The following MYOM2 variants were observed in gnomAD, a reference collection of about 807,000 sequenced individuals.
MYOM2 encodes myomesin 2, also known as myomesin-2.
In MYOM2, 254 loss-of-function variants were observed where a neutral mutation model predicts 187.6. That is an observed-to-expected ratio of 1.35 (90% CI 1.22 to 1.50). MYOM2 has a LOEUF of 1.50. Ranked by LOEUF, MYOM2 falls within the 40% of genes most tolerant of loss-of-function variation. The pLI is 0.00. For synonymous variants in MYOM2, 981 were observed against 753.8 expected (o/e 1.30, Z -4.94); for missense variants, 2,796 against 1,924.0 (o/e 1.45, Z -8.48).
At position 2,092,446 on chromosome 8, in the gene MYOM2, C is replaced by T. The variant is rs1796338712; in HGVS notation, c.1929C>T (p.Gly643=). 2 of 1,614,168 alleles carry T rather than the reference C, an allele frequency of 1.2e-6. No homozygotes were observed. The highest frequency in any genetic ancestry group is 1.7e-6 in the Non-Finnish European group (2 of 1,180,018). ...DRPKHEEDLL[G]YYVDCCVAGT... is the part of the protein sequence containing the mutation. The stretch of plus-strand genomic sequence containing the variant: ...CTAAGCATGAGGAGGACCTGCTGGG[C>T]TACTACGTGGACTGCTGTGTGGCCG... Residue 643 remains glycine (G), a synonymous_variant, in exon 16 of 37, where the codon GGC becomes GGT. Transcript: ENST00000262113.
intron 25 of MYOM2, 108 bp from the exon 26 acceptor site, chr8:2,115,852 A>G (rs1386140322): frequency 3.1e-6 from 4 of 1,283,980 alleles, no homozygotes; most frequent in African/African-American, 1.5e-5. Flanking sequence ...GTTTCTTCCT[A>G]TCATAATCCC....
chr8:2,144,677 C>T lies in MYOM2; in HGVS notation c.4094C>T (p.Thr1365Ile), dbSNP rs776526426. Residue 1365 changes from threonine to isoleucine, a missense_variant, in exon 37 of 37, where the codon ACC becomes ATC. Physicochemically the swap from Thr to Ile is moderately conservative, Grantham distance 89. Coordinates refer to ENST00000262113, the MANE Select transcript of MYOM2 (RefSeq NM_003970.4). Reference sequence around the variant, plus strand: ...TTCCGTCCAAAGACCTTGAATCTGACCTGCACGGTGTTTGGAAACCCTGAC... The same window carrying T: ...TTCCGTCCAAAGACCTTGAATCTGATCTGCACGGTGTTTGGAAACCCTGAC... ...TIMEGKTLNLTCTVFGNPDPE... is the reference protein window; with the variant it reads ...TIMEGKTLNLICTVFGNPDPE... 7.4e-6 allele frequency: 12 copies of T among 1,614,016 alleles called. No individual in the cohort carries two copies. Among genetic ancestry groups the T allele is most frequent in the East Asian group, 2.2e-5 (1 of 44,868 alleles).
intron 31 of MYOM2, chr8:2,127,664 C>T (rs1369813240): frequency 1.4e-5 from 2 of 146,504 alleles, no homozygotes; most frequent in Non-Finnish European, 3.0e-5. Context: ...AGTACCTCGG[C>T]GTGACGCGGT....
intron 11 of MYOM2, among the ~76,000 whole-genome samples, chr8:2,078,340 C>T (rs537102521): frequency 8.7e-4 from 133 of 152,286 alleles, no homozygotes; most frequent in African/African-American, 3.0e-3. Flanking sequence ...GCCTGGGCCT[C>T]AGACGGGCCA....
chr8:2,112,810 C>G (rs1797111010), intron 25 of MYOM2, among the ~76,000 whole-genome samples: 2 of 152,324 alleles, frequency 1.3e-5, no homozygotes, highest in African/African-American at 4.8e-5. Flanking sequence ...GATTTTCTGG[C>G]TAAACTTACA....
intron 19 of MYOM2, among the ~76,000 whole-genome samples, chr8:2,099,427 T>C (rs1194767483): frequency 2.0e-5 from 3 of 151,818 alleles, no homozygotes; most frequent in African/African-American, 7.3e-5. Context: ...GGTTAGCTCC[T>C]GCAGTCCTCT....
At chr8:2,094,860 C>T (rs1796425995) in intron 17 of MYOM2, among the ~76,000 whole-genome samples, 1 of 152,110 alleles carries the variant, frequency 6.6e-6, no homozygotes. Flanking sequence ...CAATTGGGAT[C>T]CTAAATCTCA....
At chr8:2,134,328 A>G (rs1366880480) in intron 32 of MYOM2, among the ~76,000 whole-genome samples, 1 of 151,980 alleles carries the variant, frequency 6.6e-6, no homozygotes, top group Non-Finnish European at 1.5e-5. Flanking sequence ...GTCTGGGTTT[A>G]TCTGGTGTTT....
At chr8:2,090,235 A>G in intron 15 of MYOM2, 44 bp downstream of exon 15, 1 of 1,569,582 alleles carries the variant, frequency 6.4e-7, no homozygotes. Context: ...ATGGACTAAG[A>G]GTGGGGTGAC....
chr8:2,059,064 G>C, intron 5 of MYOM2, 89 bp from the exon 6 acceptor site: 1 of 1,042,888 alleles, frequency 9.6e-7, no homozygotes, highest in Non-Finnish European at 1.5e-6. Flanking sequence ...TGCAGAAATG[G>C]GCAGCAGGCG....
chr8:2,111,325 C>G (rs1277371386), intron 25 of MYOM2, among the ~76,000 whole-genome samples: 1 of 152,216 alleles, frequency 6.6e-6, no homozygotes, highest in Non-Finnish European at 1.5e-5. Context: ...TCAACTTCAT[C>G]TTGCTGCATA....
chr8:2,127,741 CGGCGTGACGCGGTGGCGCAGCCGCAG>C, intron 31 of MYOM2: 1 of 142,300 alleles, frequency 7.0e-6, no homozygotes, highest in Non-Finnish European at 1.5e-5. Context: ...GGCAGTACCT[CGGCGTGACGCGGTGGCGCAGCCGCAG>C]GCAGGCAGTA....
chr8:2,128,534 C>T (rs917379671), intron 31 of MYOM2, among the ~76,000 whole-genome samples: 14 of 152,222 alleles, frequency 9.2e-5, no homozygotes, highest in African/African-American at 3.1e-4. Context: ...TCCTTTCTGA[C>T]CTCTGACCCA....
At chr8:2,101,340 G>A (rs1167803792) in intron 20 of MYOM2, among the ~76,000 whole-genome samples, 2 of 152,176 alleles carry the variant, frequency 1.3e-5, no homozygotes, top group Non-Finnish European at 2.9e-5. Context: ...TTGACAGAGC[G>A]AGACTCTGTC....
intron 28 of MYOM2, among the ~76,000 whole-genome samples, chr8:2,120,680 T>TATATAGATATATATATA: frequency 2.1e-5 from 1 of 48,300 alleles, no homozygotes; most frequent in Admixed American, 3.9e-4. Context: ...ATATATTATA[T>TATATAGATATATATATA]TATATATAAA....
chr8:2,063,301 T>C (rs112930195), intron 6 of MYOM2, among the ~76,000 whole-genome samples: 5,516 of 152,222 alleles, frequency 0.036, 163 homozygotes, highest in East Asian at 0.084. Flanking sequence ...GGCTCAGGAA[T>C]GAGCTTTTCC....
intron 15 of MYOM2, 146 bp from the exon 16 acceptor site, chr8:2,092,200 C>A: frequency 1.0e-6 from 1 of 959,216 alleles, no homozygotes; most frequent in Non-Finnish European, 1.6e-6. Context: ...CGGGGCTCCT[C>A]TCCTACTCCT....
Position 2,129,116 on chromosome 8 carries a change from A to AT in MYOM2, c.3695-7dup. ...CTTTTCCTAGATCTGAGGATGTTTT[A>AT]TTTTCTGCAGGGAAATCTGCTTCGC... On this transcript the variant is annotated splice_polypyrimidine_tract_variant and intron_variant, in intron 31 of 36. Transcript: ENST00000262113. 1 of 1,592,012 alleles carries AT rather than the reference A, an allele frequency of 6.3e-7. No homozygotes were observed. Among genetic ancestry groups the AT allele is most frequent in the Non-Finnish European group, 8.6e-7 (1 of 1,161,312 alleles).
chr8:2,131,604 CCAAA>C (rs1797870033), intron 32 of MYOM2, among the ~76,000 whole-genome samples: 1 of 151,618 alleles, frequency 6.6e-6, no homozygotes, highest in African/African-American at 2.4e-5. Flanking sequence ...TTTATCTTCC[CCAAA>C]CAAATTCATT....
Sources: gnomAD v4.1 joint callset for allele counts (sites outside exome capture counted in the v4.1 genomes callset) on GRCh38, gnomAD v4.1.1 for gene constraint, MANE v1.5 for transcripts, NCBI Gene and HGNC (gene_info 2026-07-23, HGNC 2026-07-21) for gene names.